AGO1: variants seen among roughly 807,000 people sequenced by gnomAD.
The protein encoded by AGO1 is argonaute RISC component 1, also known as protein argonaute-1.
AGO1 carries 11 observed loss-of-function variants against 109.2 expected under a neutral mutation model. That is an observed-to-expected ratio of 0.10 (90% CI 0.06 to 0.17). The LOEUF (loss-of-function observed/expected upper bound fraction) is 0.17. AGO1 is among the 10% of genes least tolerant of loss of function. The pLI is 1.00. For synonymous variants in AGO1, 422 were observed against 418.6 expected (o/e 1.01, Z -0.10); for missense variants, 574 against 1,140.3 (o/e 0.50, Z 7.15).
At chr1:35,898,942 G>A (rs994262832) in intron 8 of AGO1, among the ~76,000 whole-genome samples, 1 of 152,134 alleles carries the variant, frequency 6.6e-6, no homozygotes, top group Admixed American at 6.5e-5. Flanking sequence ...TAAGTATACA[G>A]TTCTGTGGCA....
chr1:35,911,743 A>G (rs778834750), intron 12 of AGO1, among the ~76,000 whole-genome samples: 14 of 152,092 alleles, frequency 9.2e-5, no homozygotes, highest in Non-Finnish European at 1.6e-4. Flanking sequence ...GGTACCTTAA[A>G]TCACCACAAC....
At chr1:35,882,902 G>A, upstream of AGO1, 4 of 985,372 alleles carry the variant, frequency 4.1e-6, no homozygotes, top group Non-Finnish European at 4.8e-6. This position sits in a 1 kb window ranked among gnomAD's most constrained non-coding sequence, Gnocchi z 5.1. Context: ...TAATGTGTGC[G>A]CGCAGCTCGG....
chr1:35,910,892 C>G (rs1312771235), intron 12 of AGO1, among the ~76,000 whole-genome samples: 1 of 152,120 alleles, frequency 6.6e-6, no homozygotes, highest in African/African-American at 2.4e-5. Flanking sequence ...TGGTGAAACC[C>G]AGTCTCTACT....
chr1:35,914,158 C>T lies in AGO1; in HGVS notation c.1743-26C>T, dbSNP rs781564233. The stretch of plus-strand genomic sequence containing the variant: ...AGCTAGAGAAGACCCAGCGCCTCAC[C>T]ATTTTGTTTTCTCTTCCTTGCTCAG... On this transcript the variant is annotated intron_variant, in intron 13 of 18. Coordinates refer to ENST00000373204, the MANE Select transcript of AGO1 (RefSeq NM_012199.5). 2.5e-6 allele frequency: 4 copies of T among 1,612,088 alleles called. No individual in the cohort carries two copies. The African/African-American group carries it at 5.3e-5, about 22-fold the overall frequency.
Position 35,883,322 on chromosome 1 carries a change from C to G in AGO1, c.-100C>G. Reference sequence around the variant, plus strand: ...GCCGGGCTTGGTAGGGGAGCCGAGCCCGGCCCGGGATCCCGAGCAGCGAGA... The same window carrying G: ...GCCGGGCTTGGTAGGGGAGCCGAGCGCGGCCCGGGATCCCGAGCAGCGAGA... On this transcript the variant is annotated 5_prime_UTR_variant, in exon 1 of 19. Transcript: ENST00000373204. The surrounding 1 kb of genome is among the most constrained non-coding windows in gnomAD (Gnocchi z 5.4). 6.6e-7 allele frequency: 1 copy of G among 1,512,682 alleles called. No individual in the cohort carries two copies. The allele number at this position is 1,512,682 out of a possible 1,614,324, so 93.7% of individuals were successfully genotyped here.
intron 2 of AGO1, among the ~76,000 whole-genome samples, chr1:35,891,358 A>G (rs1645214742): frequency 6.6e-6 from 1 of 152,178 alleles, no homozygotes; most frequent in Non-Finnish European, 1.5e-5. Flanking sequence ...AGAGATGGTA[A>G]TGGAGAAAAA....
chr1:35,901,384 A>G lies in AGO1; in HGVS notation c.1021-90A>G. 9.0e-6 allele frequency: 14 copies of G among 1,549,604 alleles called. 1 individual carries two copies. In the South Asian group the frequency reaches 1.5e-4, roughly 17 times the overall value. On this transcript the variant is annotated intron_variant, in intron 8 of 18. Transcript: ENST00000373204. This position sits in a 1 kb window ranked among gnomAD's most constrained non-coding sequence, Gnocchi z 4.8. Reference sequence around the variant, plus strand: ...TTTGCAGTTCCCTTCCCCATGGCTGACAGCCAAGGTATCTTTCCTTATTGT... The same window carrying G: ...TTTGCAGTTCCCTTCCCCATGGCTGGCAGCCAAGGTATCTTTCCTTATTGT...
At chr1:35,878,006 T>C (rs1645006113) in intron 1 of AGO1, among the ~76,000 whole-genome samples, 1 of 151,942 alleles carries the variant, frequency 6.6e-6, no homozygotes, top group Non-Finnish European at 1.5e-5. Context: ...TTAGTAATTT[T>C]TATATTGCTA....
In AGO1 at chr1:35,924,436, A is replaced by G. The variant is rs1340047651; in HGVS notation, c.*4829A>G. 6.6e-6 allele frequency: 1 copy of G among 152,300 alleles called. No individual in the cohort carries two copies. The highest frequency in any genetic ancestry group is 1.5e-5 in the Non-Finnish European group (1 of 68,052). 9.4% of individuals were successfully genotyped at this position (152,300 alleles called of 1,614,324 possible). On this transcript the variant is annotated 3_prime_UTR_variant, in exon 19 of 19. Coordinates refer to ENST00000373204, the MANE Select transcript of AGO1 (RefSeq NM_012199.5). ...TTCACAGAGCCTTCATTTATTCTTC[A>G]TTCAACAAACATGCAAAGCACTGTG...
Position 35,914,169 on chromosome 1 carries a change from C to A in AGO1, c.1743-15C>A. The A allele has an allele frequency of 6.2e-7, 1 of 1,613,750 alleles. No individual in the cohort carries two copies. Among genetic ancestry groups the A allele is most frequent in the Non-Finnish European group, 8.5e-7 (1 of 1,179,652 alleles). ...ACCCAGCGCCTCACCATTTTGTTTT[C>A]TCTTCCTTGCTCAGCTCTGCCGTTT... On this transcript the variant is annotated splice_polypyrimidine_tract_variant and intron_variant, in intron 13 of 18. Coordinates refer to ENST00000373204, the MANE Select transcript of AGO1 (RefSeq NM_012199.5).
At chr1:35,873,079 T>A (rs888249583) in intron 1 of AGO1, among the ~76,000 whole-genome samples, 2 of 151,708 alleles carry the variant, frequency 1.3e-5, no homozygotes, top group African/African-American at 2.4e-5. Flanking sequence ...TATTGGAGTA[T>A]TACTGTCTAT....
intron 11 of AGO1, among the ~76,000 whole-genome samples, chr1:35,903,463 G>T (rs906467190): frequency 6.6e-6 from 1 of 152,130 alleles, no homozygotes; most frequent in African/African-American, 2.4e-5. Flanking sequence ...ATGCACTCTA[G>T]GGATGAGGAG....
At chr1:35,914,022 T>A (rs770396169) in intron 13 of AGO1, 21 bp downstream of exon 13, 1 of 1,613,646 alleles carries the variant, frequency 6.2e-7, no homozygotes, top group South Asian at 1.1e-5. Context: ...TGTTGTCCAC[T>A]TGCCCTTGTC....
chr1:35,888,708 C>T lies in AGO1; in HGVS notation c.209+98C>T. 1 of 1,364,586 alleles carries T rather than the reference C, an allele frequency of 7.3e-7. No individual in the cohort carries two copies. Among genetic ancestry groups the T allele is most frequent in the South Asian group, 1.5e-5 (1 of 68,876 alleles). The allele number at this position is 1,364,586 out of a possible 1,614,324, so 84.5% of individuals were successfully genotyped here. A position where few individuals can be genotyped will look rare whatever the true frequency, so the allele number is the denominator to read the frequency against. On this transcript the variant is annotated intron_variant, in intron 2 of 18. Coordinates refer to ENST00000373204, the MANE Select transcript of AGO1 (RefSeq NM_012199.5). This position sits in a 1 kb window ranked among gnomAD's most constrained non-coding sequence, Gnocchi z 4.1. ...AAAAACCAGTAGAGGGTAGTATCAC[C>T]AAATCTAAGGAAGTTTTTGAACGGG...
chr1:35,870,036 A>G (rs1023589574), intron 1 of AGO1: 1 of 151,922 alleles, frequency 6.6e-6, no homozygotes, highest in Non-Finnish European at 1.5e-5. Flanking sequence ...TTAATTTTTA[A>G]TTTTTATTTA....
Position 35,926,071 on chromosome 1 carries a change from T to C in AGO1, c.*6464T>C, listed in dbSNP as rs888328294. ...AGGTTGGTTGAACTTGAAGAGCAGATTGGACATGGAGCAGATTTTGACCAG... is the reference window on the plus strand; with the variant it reads ...AGGTTGGTTGAACTTGAAGAGCAGACTGGACATGGAGCAGATTTTGACCAG... On this transcript the variant is annotated 3_prime_UTR_variant, in exon 19 of 19. Transcript: ENST00000373204. 1.3e-5 allele frequency: 2 copies of C among 152,162 alleles called. No homozygotes were observed. Among genetic ancestry groups the C allele is most frequent in the Admixed American group, 6.6e-5 (1 of 15,264 alleles). The allele number at this position is 152,162 out of a possible 1,614,324, so 9.4% of individuals were successfully genotyped here.
At chr1:35,879,362 C>T (rs1289736074), upstream of AGO1, among the ~76,000 whole-genome samples, 3 of 151,626 alleles carry the variant, frequency 2.0e-5, no homozygotes, top group Non-Finnish European at 4.4e-5. Flanking sequence ...GCAGGAGAAT[C>T]GCTTGAACCC....
rs1002538732 is a variant in AGO1 at position 35,921,432 on chromosome 1, C to G, written c.*1825C>G. ...CTTGACTGTTCATTTTTTTCCTGCC[C>G]CACTGCTTGGGATGGGGAGTTGCAA... On this transcript the variant is annotated 3_prime_UTR_variant, in exon 19 of 19. Coordinates refer to ENST00000373204, the MANE Select transcript of AGO1 (RefSeq NM_012199.5). 1.3e-5 allele frequency: 2 copies of G among 152,626 alleles called. No individual in the cohort carries two copies. The highest frequency in any genetic ancestry group is 4.8e-5 in the African/African-American group (2 of 41,334). 9.5% of individuals were successfully genotyped at this position (152,626 alleles called of 1,614,324 possible). A position where few individuals can be genotyped will look rare whatever the true frequency, so the allele number is the denominator to read the frequency against.
In AGO1 at chr1:35,901,998, C is replaced by A. The variant is rs1328358090; in HGVS notation, c.1191C>A (p.Ile397=). The change falls in exon 10 of 19, where the codon ATC becomes ATA. Residue 397 remains isoleucine (I), a synonymous_variant. Transcript: ENST00000373204. The surrounding 1 kb of genome is among the most constrained non-coding windows in gnomAD (Gnocchi z 4.8). The part of the protein sequence containing the change: ...NLDPYIQEFG[I]KVKDDMTEVT... ...ATCCCTACATCCAGGAATTTGGGAT[C>A]AAAGTGAAGGATGACATGACGGAGG... The A allele has an allele frequency of 3.7e-6, 6 of 1,611,358 alleles. No individual in the cohort carries two copies. The highest frequency in any genetic ancestry group is 5.1e-6 in the Non-Finnish European group (6 of 1,178,842).
Sources: allele counts gnomAD v4.1 joint callset (sites outside exome capture counted in the v4.1 genomes callset), GRCh38; gene constraint gnomAD v4.1.1; non-coding constraint Gnocchi (gnomAD v3.1); transcripts MANE v1.5; gene names NCBI Gene and HGNC (gene_info 2026-07-23, HGNC 2026-07-21).